The following PCDHB14 variants were observed in gnomAD, a reference collection of about 807,000 sequenced individuals.
The protein encoded by PCDHB14 is protocadherin beta 14.
For synonymous variants in PCDHB14, 511 were observed against 441.5 expected (o/e 1.16, Z -1.97); for missense variants, 1,129 against 1,000.5 (o/e 1.13, Z -1.73).
Position 141,225,836 on chromosome 5 carries a change from T to C in PCDHB14, c.2331T>C (p.His777=). Residue 777 remains histidine (H), a synonymous_variant, in exon 1 of 1, where the codon CAT becomes CAC. Coordinates refer to ENST00000239449, the MANE Select transcript of PCDHB14 (RefSeq NM_018934.4). ...LKPIIPNFQV[H]DTGRNMGEIE... ...CGATTATCCCCAATTTTCAAGTTCA[T>C]GACACTGGTAGGAATATGGGGGAAA... 1.2e-6 allele frequency: 2 copies of C among 1,614,250 alleles called. No homozygotes were observed. The highest frequency in any genetic ancestry group is 2.2e-5 in the East Asian group (1 of 44,884).
chr5:141,225,355 T>C lies in PCDHB14; in HGVS notation c.1850T>C (p.Val617Ala). ...GCCACGGAGCCCGGGCTGTTCGGCG[T>C]GTGGGCGCACAATGGCGAGGTGCGC... is the stretch of plus-strand genomic sequence containing the variant. Reference protein sequence around the residue: ...LKATEPGLFGVWAHNGEVRTA... With the variant: ...LKATEPGLFGAWAHNGEVRTA... Residue 617 changes from valine to alanine, a missense_variant, in exon 1 of 1, where the codon GTG becomes GCG. Coordinates refer to ENST00000239449, the MANE Select transcript of PCDHB14 (RefSeq NM_018934.4). The C allele has an allele frequency of 6.2e-7, 1 of 1,603,422 alleles. No homozygotes were observed. The highest frequency in any genetic ancestry group is 2.2e-5 in the East Asian group (1 of 44,850).
In PCDHB14 at chr5:141,223,995, A is replaced by G; in HGVS notation, c.490A>G (p.Ser164Gly). 2 of 1,613,604 alleles carry G rather than the reference A, an allele frequency of 1.2e-6. No homozygotes were observed. The highest frequency in any genetic ancestry group is 1.7e-6 in the Non-Finnish European group (2 of 1,179,858). The change falls in exon 1 of 1, where the codon AGC becomes GGC. Residue 164 changes from serine (S) to glycine (G), a missense_variant. Physicochemically the swap from Ser to Gly is moderately conservative, Grantham distance 56. Coordinates refer to ENST00000239449, the MANE Select transcript of PCDHB14 (RefSeq NM_018934.4). ...GAGTGCTCAAGATTTGGATGTCGGA[A>G]GCAACAGTCTCCAAAACTACACAAT... The part of the protein sequence containing the change: ...MESAQDLDVG[S>G]NSLQNYTISP...
Position 141,224,439 on chromosome 5 carries a change from A to T in PCDHB14, c.934A>T (p.Ile312Leu), listed in dbSNP as rs61734412. The T allele has an allele frequency of 4.4e-4, 715 of 1,609,268 alleles. 8 individuals are homozygous for T. In the African/African-American group the frequency reaches 8.2e-3, roughly 19 times the overall value. Residue 312 changes from isoleucine to leucine, a missense_variant, in exon 1 of 1, where the codon ATA (isoleucine) becomes TTA (leucine). Coordinates refer to ENST00000239449, the MANE Select transcript of PCDHB14 (RefSeq NM_018934.4). ...NLRSPLDFEVIQSYTINIQAT... is the reference protein window; with the variant it reads ...NLRSPLDFEVLQSYTINIQAT... Reference sequence around the variant, plus strand: ...GAGATCACCCCTGGATTTTGAAGTAATACAGTCCTACACTATAAATATTCA... The same window carrying T: ...GAGATCACCCCTGGATTTTGAAGTATTACAGTCCTACACTATAAATATTCA...
Position 141,224,424 on chromosome 5 carries a change from C to G in PCDHB14, c.919C>G (p.Leu307Val). ...TGGGGAAGTTAATTTGAGATCACCC[C>G]TGGATTTTGAAGTAATACAGTCCTA... ...ISGEVNLRSPLDFEVIQSYTI... is the reference protein window; with the variant it reads ...ISGEVNLRSPVDFEVIQSYTI... The change falls in exon 1 of 1, where the codon CTG becomes GTG. Residue 307 changes from leucine to valine, a missense_variant. Coordinates refer to ENST00000239449, the MANE Select transcript of PCDHB14 (RefSeq NM_018934.4). 6.2e-6 allele frequency: 10 copies of G among 1,607,468 alleles called. No homozygotes were observed. The highest frequency in any genetic ancestry group is 8.5e-6 in the Non-Finnish European group (10 of 1,177,430).
chr5:141,225,853 T>C lies in PCDHB14; in HGVS notation c.2348T>C (p.Met783Thr), dbSNP rs142725810. Residue 783 changes from methionine to threonine, a missense_variant, in exon 1 of 1, where the codon ATG becomes ACG. Met to Thr is a moderately conservative substitution (Grantham distance 81, BLOSUM62 -1). Coordinates refer to ENST00000239449, the MANE Select transcript of PCDHB14 (RefSeq NM_018934.4). Reference sequence around the variant, plus strand: ...CAAGTTCATGACACTGGTAGGAATATGGGGGAAATCGAGAACTTTCGAAAT... The same window carrying C: ...CAAGTTCATGACACTGGTAGGAATACGGGGGAAATCGAGAACTTTCGAAAT... ...NFQVHDTGRN[M>T]GEIENFRNSF... is the part of the protein sequence containing the mutation. 13 of 1,614,010 alleles carry C rather than the reference T, an allele frequency of 8.1e-6. No homozygotes were observed. Among genetic ancestry groups the C allele is most frequent in the South Asian group, 1.1e-5 (1 of 91,068 alleles).
Position 141,225,629 on chromosome 5 carries a change from C to A in PCDHB14, c.2124C>A (p.Phe708Leu). 6.2e-7 allele frequency: 1 copy of A among 1,613,068 alleles called. No individual in the cohort carries two copies. Among genetic ancestry groups the A allele is most frequent in the Non-Finnish European group, 8.5e-7 (1 of 1,179,948 alleles). The part of the protein sequence containing the change: ...SSLFLFSVLL[F>L]VAVRLCRRSR... Reference sequence around the variant, plus strand: ...TCTTCCTCTTCTCGGTGCTCCTGTTCGTGGCGGTGCGGCTGTGCAGGAGGA... The same window carrying A: ...TCTTCCTCTTCTCGGTGCTCCTGTTAGTGGCGGTGCGGCTGTGCAGGAGGA... Residue 708 changes from phenylalanine (F) to leucine (L), a missense_variant, in exon 1 of 1, where the codon TTC becomes TTA. Transcript: ENST00000239449.
In PCDHB14 at chr5:141,223,713, G is replaced by A. The variant is rs1554289031; in HGVS notation, c.208G>A (p.Asp70Asn). The change falls in exon 1 of 1, where the codon GAT becomes AAT. Residue 70 changes from aspartate to asparagine, a missense_variant. Coordinates refer to ENST00000239449, the MANE Select transcript of PCDHB14 (RefSeq NM_018934.4). ...SSREARVVSDDNKKYLHLDLL... is the reference protein window; with the variant it reads ...SSREARVVSDNNKKYLHLDLL... ...ACGTGAAGCCCGGGTAGTGTCTGAT[G>A]ATAATAAAAAGTATTTGCACCTTGA... The A allele has an allele frequency of 6.2e-7, 1 of 1,613,990 alleles. No individual in the cohort carries two copies. Among genetic ancestry groups the A allele is most frequent in the Admixed American group, 1.7e-5 (1 of 59,998 alleles).
At position 141,224,922 on chromosome 5, in the gene PCDHB14, G is replaced by A. The variant is rs35131900; in HGVS notation, c.1417G>A (p.Val473Ile). 1.2e-3 allele frequency: 1,920 copies of A among 1,612,920 alleles called. 14 individuals carry two copies. The African/African-American group carries it at 0.02, about 16-fold the overall frequency. The change falls in exon 1 of 1, where the codon GTC becomes ATC. Residue 473 changes from valine (V) to isoleucine (I), a missense_variant. Val to Ile is a conservative substitution (Grantham distance 29). Transcript: ENST00000239449. ...NNSPALHIGS[V>I]SATDRDSGTN... ...CAGCCCCGCCCTGCACATCGGCAGC[G>A]TCAGCGCCACAGACAGAGACTCAGG... is the stretch of plus-strand genomic sequence containing the variant.
rs1754870390 is a variant in PCDHB14, at chr5:141,226,795, C to T, written c.*893C>T. On this transcript the variant is annotated 3_prime_UTR_variant, in exon 1 of 1. Transcript: ENST00000239449. Reference sequence around the variant, plus strand: ...CCATGTTTCCCAGTCTGGTCTGGAACTCCTTGGCTCAAGCGATCTGCCCGC... The same window carrying T: ...CCATGTTTCCCAGTCTGGTCTGGAATTCCTTGGCTCAAGCGATCTGCCCGC... 6.6e-6 allele frequency: 1 copy of T among 152,372 alleles called. No individual in the cohort carries two copies. The highest frequency in any genetic ancestry group is 2.1e-4 in the South Asian group (1 of 4,826). The allele number at this position is 152,372 out of a possible 1,614,324, so 9.4% of individuals were successfully genotyped here. A position where few individuals can be genotyped will look rare whatever the true frequency, so the allele number is the denominator to read the frequency against.
Position 141,223,828 on chromosome 5 carries a change from TG to T in PCDHB14, c.325del (p.Val109PhefsTer18), listed in dbSNP as rs557102224. 1.2e-6 allele frequency: 2 copies of T among 1,613,740 alleles called. No homozygotes were observed. The highest frequency in any genetic ancestry group is 1.7e-6 in the Non-Finnish European group (2 of 1,179,886). The stretch of plus-strand genomic sequence containing the variant: ...GAGCCCTGTGTGCTGCATTTTCAGG[TG>T]GTTTTGGAAAACCCTTTACAGTTTT... ...STEPCVLHFQVVLENPLQFFR... is the reference protein window; with the variant it reads ...STEPCVLHFQXVLENPLQFFR... On this transcript the variant is annotated frameshift_variant, in exon 1 of 1. Transcript: ENST00000239449. LOFTEE classifies it low-confidence loss of function (END_TRUNC).
Position 141,223,482 on chromosome 5 carries a change from C to T in PCDHB14, c.-24C>T. 1 of 1,538,850 alleles carries T rather than the reference C, an allele frequency of 6.5e-7. No homozygotes were observed. The highest frequency in any genetic ancestry group is 8.8e-7 in the Non-Finnish European group (1 of 1,135,880). ...AATTACGGCTGAGCTTCAGTTTTTC[C>T]ACAAGAGATTGCCTAAAGGAACCAT... On this transcript the variant is annotated 5_prime_UTR_variant, in exon 1 of 1. Coordinates refer to ENST00000239449, the MANE Select transcript of PCDHB14 (RefSeq NM_018934.4).
chr5:141,225,624 C>T lies in PCDHB14; in HGVS notation c.2119C>T (p.Leu707=), dbSNP rs782538600. The T allele has an allele frequency of 5.6e-6, 9 of 1,612,900 alleles. No individual in the cohort carries two copies. Among genetic ancestry groups the T allele is most frequent in the Middle Eastern group, 1.7e-4 (1 of 5,896 alleles). ...GTCGCTCTTCCTCTTCTCGGTGCTCCTGTTCGTGGCGGTGCGGCTGTGCAG... is the reference window on the plus strand; with the variant it reads ...GTCGCTCTTCCTCTTCTCGGTGCTCTTGTTCGTGGCGGTGCGGCTGTGCAG... The part of the protein sequence containing the change: ...VSSLFLFSVL[L]FVAVRLCRRS... Residue 707 remains leucine, a synonymous_variant, in exon 1 of 1, where the codon CTG becomes TTG. Coordinates refer to ENST00000239449, the MANE Select transcript of PCDHB14 (RefSeq NM_018934.4).
At position 141,226,217 on chromosome 5, in the gene PCDHB14, A is replaced by G. The variant is rs1754858259; in HGVS notation, c.*315A>G. On this transcript the variant is annotated 3_prime_UTR_variant, in exon 1 of 1. Coordinates refer to ENST00000239449, the MANE Select transcript of PCDHB14 (RefSeq NM_018934.4). The stretch of plus-strand genomic sequence containing the variant: ...TATGCAAACTAAAGTATTAAGAGCT[A>G]ATGTCATTATATATGTAACTTAAAT... 4.0e-6 allele frequency: 1 copy of G among 251,802 alleles called. No homozygotes were observed. The allele number at this position is 251,802 out of a possible 1,614,324, so 15.6% of individuals were successfully genotyped here.
chr5:141,226,120 A>T lies in PCDHB14; in HGVS notation c.*218A>T. The T allele has an allele frequency of 1.8e-6, 1 of 556,150 alleles. No individual in the cohort carries two copies. The highest frequency in any genetic ancestry group is 2.6e-5 in the South Asian group (1 of 37,830). 34.5% of individuals were successfully genotyped at this position (556,150 alleles called of 1,614,324 possible). A position where few individuals can be genotyped will look rare whatever the true frequency, so the allele number is the denominator to read the frequency against. On this transcript the variant is annotated 3_prime_UTR_variant, in exon 1 of 1. Transcript: ENST00000239449. ...TTTTCATTTATTTGGCCAAAATGTT[A>T]TATTAATGGAGTTATTGCTATTTTT...
chr5:141,225,510 C>A lies in PCDHB14; in HGVS notation c.2005C>A (p.Pro669Thr). ...HVLLVDGFSQPYLPLPEAAPA... is the reference protein window; with the variant it reads ...HVLLVDGFSQTYLPLPEAAPA... ...GCTCCTGGTGGACGGCTTCTCCCAG[C>A]CCTACCTGCCGCTCCCTGAGGCGGC... Residue 669 changes from proline (P) to threonine (T), a missense_variant, in exon 1 of 1, where the codon CCC (proline) becomes ACC (threonine). Pro to Thr is a conservative substitution (Grantham distance 38). Transcript: ENST00000239449. The A allele has an allele frequency of 6.2e-7, 1 of 1,608,152 alleles. No individual in the cohort carries two copies. The highest frequency in any genetic ancestry group is 8.5e-7 in the Non-Finnish European group (1 of 1,179,728).
In PCDHB14 at chr5:141,223,779, C is replaced by G. The variant is rs1422659663; in HGVS notation, c.274C>G (p.Arg92Gly). 1.2e-6 allele frequency: 2 copies of G among 1,613,726 alleles called. No homozygotes were observed. Among genetic ancestry groups the G allele is most frequent in the Non-Finnish European group, 8.5e-7 (1 of 1,179,954 alleles). The change falls in exon 1 of 1, where the codon CGA (arginine) becomes GGA (glycine). Residue 92 changes from arginine (R) to glycine (G), a missense_variant. Transcript: ENST00000239449. ...TTTGCTCCTAAATGAGAAACTAGAC[C>G]GAGACGAGCTGTGTGGCTCCACCGA... ...GNLLLNEKLDRDELCGSTEPC... is the reference protein window; with the variant it reads ...GNLLLNEKLDGDELCGSTEPC...
rs1297186534 is a variant in PCDHB14, at chr5:141,224,622, C to T, written c.1117C>T (p.Gln373Ter). ...AGTAGCTCTTTTTAGTATCCTAGAC[C>T]AAGACTCTGGAGACAATGGGAGGAT... Reference protein sequence around the residue: ...TLVALFSILDQDSGDNGRMIC... With the variant: ...TLVALFSILD Residue 373 changes from glutamine to a stop codon, truncating the protein, a stop_gained, in exon 1 of 1, where the codon CAA becomes TAA. Transcript: ENST00000239449. LOFTEE classifies it low-confidence loss of function (END_TRUNC). 6.2e-7 allele frequency: 1 copy of T among 1,613,994 alleles called. No individual in the cohort carries two copies. Among genetic ancestry groups the T allele is most frequent in the Non-Finnish European group, 8.5e-7 (1 of 1,180,020 alleles).
rs782601625 is a variant in PCDHB14 at position 141,223,712 on chromosome 5, T to A, written c.207T>A (p.Asp69Glu). The A allele has an allele frequency of 3.7e-6, 6 of 1,614,124 alleles. No individual in the cohort carries two copies. Among genetic ancestry groups the A allele is most frequent in the Non-Finnish European group, 5.1e-6 (6 of 1,180,012 alleles). ...CACGTGAAGCCCGGGTAGTGTCTGATGATAATAAAAAGTATTTGCACCTTG... is the reference window on the plus strand; with the variant it reads ...CACGTGAAGCCCGGGTAGTGTCTGAAGATAATAAAAAGTATTTGCACCTTG... Reference protein sequence around the residue: ...LSSREARVVSDDNKKYLHLDL... With the variant: ...LSSREARVVSEDNKKYLHLDL... The change falls in exon 1 of 1, where the codon GAT becomes GAA. Residue 69 changes from aspartate (D) to glutamate (E), a missense_variant. Coordinates refer to ENST00000239449, the MANE Select transcript of PCDHB14 (RefSeq NM_018934.4).
rs1754863635 is a variant in PCDHB14 at position 141,226,491 on chromosome 5, G to T, written c.*589G>T. ...AATTTTTTCTGTAACTGCTTTTGTT[G>T]ATAATCCTGTTGTGGAGGAAGAGTC... On this transcript the variant is annotated 3_prime_UTR_variant, in exon 1 of 1. Coordinates refer to ENST00000239449, the MANE Select transcript of PCDHB14 (RefSeq NM_018934.4). 6.6e-6 allele frequency: 1 copy of T among 152,248 alleles called. No homozygotes were observed. Among genetic ancestry groups the T allele is most frequent in the Non-Finnish European group, 1.5e-5 (1 of 68,066 alleles). 9.4% of individuals were successfully genotyped at this position (152,248 alleles called of 1,614,324 possible). A position where few individuals can be genotyped will look rare whatever the true frequency, so the allele number is the denominator to read the frequency against.
Sources: allele counts gnomAD v4.1 joint callset, GRCh38; gene constraint gnomAD v4.1.1; transcripts MANE v1.5; gene names NCBI Gene and HGNC (gene_info 2026-07-23, HGNC 2026-07-21).